MAPK12: variants seen among roughly 807,000 people sequenced by gnomAD.
MAPK12 encodes mitogen-activated protein kinase 12.
Under a neutral mutation model 49.1 loss-of-function variants are expected in MAPK12, and 49 were observed. The observed-to-expected ratio is 1.00, with a 90% CI of 0.79 to 1.27. MAPK12 has a LOEUF of 1.27. Ranked by LOEUF, MAPK12 falls within the 50% of genes most tolerant of loss-of-function variation. The pLI is 0.00. For synonymous variants in MAPK12, 251 were observed against 209.7 expected, an observed-to-expected ratio of 1.20 and a Z score of -1.70; for missense variants, 554 against 502.4, an observed-to-expected ratio of 1.10 and a Z score of -0.98.
At position 50,254,381 on chromosome 22, in the gene MAPK12, G is replaced by A. The variant is rs190462359; in HGVS notation, c.1024+816C>T. ...GTGGGGCAAGGAGAGGGCTGGGCGCGGTGGCTCACGCCTGTAATCCCAGCA... is the reference window on the plus strand; with the variant it reads ...GTGGGGCAAGGAGAGGGCTGGGCGCAGTGGCTCACGCCTGTAATCCCAGCA... On this transcript the variant is annotated intron_variant, in intron 11 of 11. Transcript: ENST00000215659. The A allele has an allele frequency of 5.1e-3, 779 of 153,246 alleles. 22 individuals carry two copies. Among genetic ancestry groups the A allele is most frequent in the East Asian group, 0.037 (191 of 5,198 alleles). The allele number at this position is 153,246 out of a possible 1,614,324, so 9.5% of individuals were successfully genotyped here. A position where few individuals can be genotyped will look rare whatever the true frequency, so the allele number is the denominator to read the frequency against.
chr22:50,261,438 G>T lies in MAPK12; in HGVS notation c.72C>A (p.Arg24=). ...CGGGCTGCAGGTCCCGGTACACGGC[G>T]CGCACCTCCCAGGCCGTCTTGGTCA... ...QEVTKTAWEV[R]AVYRDLQPVG... is the part of the protein sequence containing the mutation. The change falls in exon 1 of 12, where the codon CGC becomes CGA. Residue 24 remains arginine (R), a synonymous_variant. Transcript: ENST00000215659. 7.8e-7 allele frequency: 1 copy of T among 1,275,186 alleles called. No homozygotes were observed. The allele number at this position is 1,275,186 out of a possible 1,614,324, so 79.0% of individuals were successfully genotyped here.
intron 7 of MAPK12, 54 bp from the exon 8 acceptor site, chr22:50,255,935 G>A: frequency 6.4e-7 from 1 of 1,571,150 alleles, no homozygotes; most frequent in Non-Finnish European, 8.7e-7. Context: ...ATGAGACGGG[G>A]AGGGAGGAGA....
At chr22:50,257,440 A>G in intron 3 of MAPK12, 1 of 565,236 alleles carries the variant, frequency 1.8e-6, no homozygotes, top group Non-Finnish European at 3.2e-6. Context: ...GAGGACTGTC[A>G]GGCAGGGAGG....
In MAPK12 at chr22:50,255,689, C is replaced by T. The variant is rs375314561; in HGVS notation, c.697G>A (p.Asp233Asn). The T allele has an allele frequency of 3.7e-6, 6 of 1,609,632 alleles. No homozygotes were observed. In the African/African-American group the frequency reaches 5.3e-5, roughly 14 times the overall value. Residue 233 changes from aspartate (D) to asparagine (N), a missense_variant, in exon 9 of 12, where the codon GAC becomes AAC. By Grantham distance (23) the Asp-to-Asn change is conservative. Transcript: ENST00000215659. ...ACCTTCATGATCTCCTTCAGCTGGT[C>T]CAGGTCTGCACCGAGGTCAGGAACA... ...KTLFKGSDHL[D>N]QLKEIMKVTG...
In MAPK12 at chr22:50,255,177, G is replaced by A. The variant is rs778205320; in HGVS notation, c.1024+20C>T. 2 of 1,613,030 alleles carry A rather than the reference G, an allele frequency of 1.2e-6. No individual in the cohort carries two copies. The highest frequency in any genetic ancestry group is 2.2e-5 in the South Asian group (2 of 91,040). On this transcript the variant is annotated intron_variant, in intron 11 of 11. Transcript: ENST00000215659. ...CCCCACTTGGGTCCACACAGGCCGTGCCAGGAGCCCCCCACTCACGCTTCC... is the reference window on the plus strand; with the variant it reads ...CCCCACTTGGGTCCACACAGGCCGTACCAGGAGCCCCCCACTCACGCTTCC...
At chr22:50,255,082 A>G (rs760631866) in intron 11 of MAPK12, 115 bp downstream of exon 11, 5 of 1,524,218 alleles carry the variant, frequency 3.3e-6, no homozygotes, top group South Asian at 1.2e-5. Flanking sequence ...GGAGCCCCCA[A>G]CTCACGGGTC....
At chr22:50,259,204 C>T (rs1324782599) in intron 2 of MAPK12, among the ~76,000 whole-genome samples, 1 of 152,132 alleles carries the variant, frequency 6.6e-6, no homozygotes, top group African/African-American at 2.4e-5. Flanking sequence ...GGGCCAGAGC[C>T]ATGGGCAAGA....
intron 11 of MAPK12, 22 bp from the exon 12 acceptor site, chr22:50,253,502 G>GGGGGGGGGGGGGCCCCCCCCC: frequency 1.2e-5 from 2 of 171,662 alleles, no homozygotes; most frequent in Non-Finnish European, 1.1e-5. Flanking sequence ...GGGGGGGCGG[G>GGGGGGGGGGGGGCCCCCCCCC]CACAACAGAG....
chr22:50,256,754 C>G (rs977466789), intron 5 of MAPK12, 108 bp from the exon 6 acceptor site: 1 of 1,523,954 alleles, frequency 6.6e-7, no homozygotes, highest in African/African-American at 1.4e-5. Flanking sequence ...GGCCCCCTTG[C>G]TCTCTGCAGC....
chr22:50,259,400 G>A (rs768111054), intron 2 of MAPK12, among the ~76,000 whole-genome samples: 7 of 152,078 alleles, frequency 4.6e-5, no homozygotes, highest in Non-Finnish European at 7.4e-5. Flanking sequence ...AGAGGGAGGC[G>A]GCCTGGCAGG....
At chr22:50,257,542 G>A in intron 3 of MAPK12, 3 of 526,522 alleles carry the variant, frequency 5.7e-6, no homozygotes, top group South Asian at 2.1e-5. Context: ...CAGGACTCGA[G>A]TCTTCACAGG....
At chr22:50,255,414 A>G (rs1471499823) in intron 10 of MAPK12, 39 bp downstream of exon 10, 6 of 1,612,300 alleles carry the variant, frequency 3.7e-6, no homozygotes, top group Non-Finnish European at 5.1e-6. Flanking sequence ...GAGGCCCCAC[A>G]CTCCAGCACC....
intron 2 of MAPK12, among the ~76,000 whole-genome samples, chr22:50,260,220 C>A (rs1015359971): frequency 2.0e-5 from 3 of 147,820 alleles, no homozygotes; most frequent in African/African-American, 5.0e-5. Context: ...GGCCAGGAAC[C>A]GGGGGACGGG....
intron 2 of MAPK12, among the ~76,000 whole-genome samples, chr22:50,260,339 G>A (rs1009240804): frequency 2.0e-5 from 3 of 152,034 alleles, no homozygotes; most frequent in Admixed American, 2.0e-4. Flanking sequence ...TCACCCTGTA[G>A]GTAGGGTCCG....
chr22:50,261,459 G>T lies in MAPK12; in HGVS notation c.51C>A (p.Thr17=). Residue 17 remains threonine, a synonymous_variant, in exon 1 of 12, where the codon ACC becomes ACA. Coordinates refer to ENST00000215659, the MANE Select transcript of MAPK12 (RefSeq NM_002969.6). The stretch of plus-strand genomic sequence containing the variant: ...CGGCGCGCACCTCCCAGGCCGTCTT[G>T]GTCACCTCCTGGCGGTAAAAGCCAC... ...ARSGFYRQEV[T]KTAWEVRAVY... The T allele has an allele frequency of 7.8e-7, 1 of 1,286,722 alleles. No homozygotes were observed. 79.7% of individuals were successfully genotyped at this position (1,286,722 alleles called of 1,614,324 possible). A position where few individuals can be genotyped will look rare whatever the true frequency, so the allele number is the denominator to read the frequency against.
chr22:50,253,599 G>A (rs2072875), intron 11 of MAPK12, 119 bp from the exon 12 acceptor site: 110,139 of 667,010 alleles, frequency 0.17, 10,259 homozygotes, highest in Admixed American at 0.3. Flanking sequence ...TAATCCTAAT[G>A]TGGTCTGAAC....
chr22:50,257,959 G>A (rs778391680), intron 3 of MAPK12: 17 of 769,174 alleles, frequency 2.2e-5, no homozygotes, highest in Non-Finnish European at 3.6e-5. Context: ...TTAACAAATG[G>A]TCAGGTCCAA....
intron 3 of MAPK12, chr22:50,257,567 A>C (rs2065163316): frequency 1.9e-6 from 1 of 534,256 alleles, no homozygotes; most frequent in Non-Finnish European, 3.4e-6. Context: ...GGAGGGAGGC[A>C]GTCAGGTTTC....
At chr22:50,257,640 C>T (rs183783364) in intron 3 of MAPK12, 71 of 579,738 alleles carry the variant, frequency 1.2e-4, no homozygotes, top group Admixed American at 2.4e-4. Flanking sequence ...CGCGGCAAGG[C>T]ATCTGGGTCA....
Sources: allele counts gnomAD v4.1 joint callset (sites outside exome capture counted in the v4.1 genomes callset), GRCh38; gene constraint gnomAD v4.1.1; transcripts MANE v1.5; gene names NCBI Gene and HGNC (gene_info 2026-07-23, HGNC 2026-07-21).